GFRA2: variants seen among roughly 807,000 people sequenced by gnomAD.
GFRA2 encodes the protein GDNF family receptor alpha-2.
A neutral mutation model predicts 48.3 loss-of-function variants in GFRA2; 17 were observed. The ratio of observed to expected loss-of-function variants is 0.35; its 90% CI spans 0.24 to 0.53. The LOEUF (loss-of-function observed/expected upper bound fraction) is 0.53, where lower values mean the gene tolerates loss of function less well. GFRA2 is among the 20% of genes least tolerant of loss of function. GFRA2 has a pLI of 0.93. For missense variants in GFRA2, 660 were observed against 637.3 expected, an observed-to-expected ratio of 1.04 and a Z score of -0.38; for synonymous variants, 305 against 257.2, an observed-to-expected ratio of 1.19 and a Z score of -1.78.
chr8:21,789,448 G>A (rs886284561), upstream of GFRA2, among the ~76,000 whole-genome samples: 1 of 152,106 alleles, frequency 6.6e-6, no homozygotes, highest in Admixed American at 6.5e-5. Flanking sequence ...CCATCCGGGG[G>A]CTCGGGGGGC....
chr8:21,696,446 C>CT (rs1802179353), intron 7 of GFRA2, among the ~76,000 whole-genome samples: 1 of 152,166 alleles, frequency 6.6e-6, no homozygotes, highest in African/African-American at 2.4e-5. Flanking sequence ...CAAAATAAGG[C>CT]TTGAGAAAAC....
At chr8:21,706,399 G>T in intron 4 of GFRA2, 1 of 472,776 alleles carries the variant, frequency 2.1e-6, no homozygotes, top group Admixed American at 2.3e-5. Flanking sequence ...GGAAAGCTGG[G>T]TCCACCTTCT....
chr8:21,788,184 T>A lies in GFRA2; in HGVS notation c.-25A>T. ...TGTTAAATAAATCCCACCGTTTTTTTGTCTTTCTCCCTTGGGTAAAAAAAA... is the reference window on the plus strand; with the variant it reads ...TGTTAAATAAATCCCACCGTTTTTTAGTCTTTCTCCCTTGGGTAAAAAAAA... On this transcript the variant is annotated 5_prime_UTR_variant, in exon 1 of 9. Coordinates refer to ENST00000524240, the MANE Select transcript of GFRA2 (RefSeq NM_001495.5). 6.2e-7 allele frequency: 1 copy of A among 1,601,142 alleles called. No homozygotes were observed. Among genetic ancestry groups the A allele is most frequent in the East Asian group, 2.3e-5 (1 of 43,284 alleles).
intron 4 of GFRA2, among the ~76,000 whole-genome samples, chr8:21,710,033 G>A (rs927349550): frequency 2.0e-4 from 30 of 152,344 alleles, no homozygotes; most frequent in Middle Eastern, 3.4e-3. Flanking sequence ...TCCAGACCCA[G>A]GTGGGGCTGG....
At chr8:21,759,408 G>GAGAGGGAA (rs144218141) in intron 3 of GFRA2, among the ~76,000 whole-genome samples, 17 of 136,462 alleles carry the variant, frequency 1.2e-4, no homozygotes, top group African/African-American at 2.8e-4. Flanking sequence ...AAGGAAGAGA[G>GAGAGGGAA]AGAGGGAAAG....
At position 21,743,528 on chromosome 8, in the gene GFRA2, C is replaced by T. The variant is rs142958474; in HGVS notation, c.794+7060G>A. ...CACAGACAAGATTGACAAAGAGTCC[C>T]CTCCTTAGGTTCTAAGTGCCGCAAG... On this transcript the variant is annotated intron_variant, in intron 4 of 8. Transcript: ENST00000524240. Among the ~76,000 whole-genome samples the T allele has an allele frequency of 2.0e-3, 297 of 152,292 alleles. 1 individual carries two copies. Among genetic ancestry groups the T allele is most frequent in the African/African-American group, 6.8e-3 (282 of 41,548 alleles).
intron 4 of GFRA2, among the ~76,000 whole-genome samples, chr8:21,726,562 C>T (rs1299570745): frequency 6.6e-6 from 1 of 152,146 alleles, no homozygotes; most frequent in Non-Finnish European, 1.5e-5. Context: ...CTTGCCTCTT[C>T]CGGCTTCTGG....
At chr8:21,807,740 G>T (rs1807899007) in intron 1 of GFRA2, among the ~76,000 whole-genome samples, 1 of 152,148 alleles carries the variant, frequency 6.6e-6, no homozygotes, top group Non-Finnish European at 1.5e-5. Context: ...AGATGACCAA[G>T]TCCCATCCTA....
intron 4 of GFRA2, among the ~76,000 whole-genome samples, chr8:21,724,975 A>G (rs1249510397): frequency 1.3e-5 from 2 of 152,174 alleles, no homozygotes; most frequent in Non-Finnish European, 2.9e-5. Context: ...GGACACCAGC[A>G]CAATCCTTGG....
Position 21,738,955 on chromosome 8 carries a change from G to A in GFRA2, c.794+11633C>T, listed in dbSNP as rs575622714. On this transcript the variant is annotated intron_variant, in intron 4 of 8. Transcript: ENST00000524240. ...TGTCCTTATTTTGACAAGGAAAACA[G>A]GAGCTCCGTGCTGTGAAGAACATGC... 1.7e-3 allele frequency among the ~76,000 whole-genome samples: 258 copies of A among 152,316 alleles called. 1 individual carries two copies. Among genetic ancestry groups the A allele is most frequent in the African/African-American group, 5.9e-3 (247 of 41,558 alleles).
chr8:21,757,532 G>A (rs1054447853), intron 3 of GFRA2, among the ~76,000 whole-genome samples: 2 of 131,614 alleles, frequency 1.5e-5, no homozygotes, highest in Admixed American at 1.4e-4. Context: ...GTTTCACTCT[G>A]TCGCACGTTG....
chr8:21,791,874 C>T (rs1006059985), upstream of GFRA2, among the ~76,000 whole-genome samples: 1 of 152,160 alleles, frequency 6.6e-6, no homozygotes, highest in East Asian at 1.9e-4. Context: ...AAGCAGCTGT[C>T]GTAAGAGGTA....
chr8:21,772,359 A>G (rs1177791134), intron 3 of GFRA2, among the ~76,000 whole-genome samples: 2 of 152,060 alleles, frequency 1.3e-5, no homozygotes, highest in African/African-American at 4.8e-5. Context: ...GCTGGAGTGC[A>G]GTGGTGTCAT....
In GFRA2 at chr8:21,788,479, G is replaced by A. The variant is rs1344432591; in HGVS notation, c.-320C>T. The A allele has an allele frequency of 9.1e-7, 1 of 1,098,330 alleles. No individual in the cohort carries two copies. Among genetic ancestry groups the A allele is most frequent in the African/African-American group, 1.6e-5 (1 of 61,082 alleles). 68.0% of individuals were successfully genotyped at this position (1,098,330 alleles called of 1,614,324 possible). On this transcript the variant is annotated 5_prime_UTR_variant, in exon 1 of 9. Transcript: ENST00000524240. The stretch of plus-strand genomic sequence containing the variant: ...GGTCAGCCCTCCCCTCCAATCGTCC[G>A]GGAAGGCGTGAGTCCCCGCGGGTCC...
chr8:21,709,303 C>T (rs1802899522), intron 4 of GFRA2, among the ~76,000 whole-genome samples: 1 of 152,230 alleles, frequency 6.6e-6, no homozygotes, highest in Non-Finnish European at 1.5e-5. Flanking sequence ...ATTCTAGCTA[C>T]ACACACATAG....
intron 2 of GFRA2, among the ~76,000 whole-genome samples, chr8:21,804,828 T>C (rs530529840): frequency 5.3e-5 from 8 of 152,296 alleles, no homozygotes; most frequent in East Asian, 1.9e-4. Context: ...CCCGGCCTCA[T>C]TGGTGAATGG....
intron 7 of GFRA2, among the ~76,000 whole-genome samples, chr8:21,695,590 G>A (rs1236441166): frequency 6.6e-6 from 1 of 152,108 alleles, no homozygotes; most frequent in African/African-American, 2.4e-5. Context: ...ATGGAACCAG[G>A]AGTGTCCCCA....
chr8:21,738,806 A>G (rs28363879), intron 4 of GFRA2, among the ~76,000 whole-genome samples: 8,633 of 152,216 alleles, frequency 0.057, 729 homozygotes, highest in African/African-American at 0.18. Flanking sequence ...CAGCCAGGGC[A>G]AGCCTGTGGG....
intron 2 of GFRA2, among the ~76,000 whole-genome samples, chr8:21,802,764 G>A (rs2117115663): frequency 6.6e-6 from 1 of 152,294 alleles, no homozygotes; most frequent in South Asian, 2.1e-4. Context: ...TAGAATTATG[G>A]TATAGTGGGG....
Sources: gnomAD v4.1 joint callset for allele counts (sites outside exome capture counted in the v4.1 genomes callset) on GRCh38, gnomAD v4.1.1 for gene constraint, MANE v1.5 for transcripts, NCBI Gene and HGNC (gene_info 2026-07-23, HGNC 2026-07-21) for gene names.